The following USP25 variants were observed in gnomAD, a reference collection of about 807,000 sequenced individuals.
USP25 encodes ubiquitin specific peptidase 25.
Under a neutral mutation model 158.5 loss-of-function variants are expected in USP25, and 85 were observed. That is an observed-to-expected ratio of 0.54 (90% CI 0.45 to 0.64). The LOEUF is 0.64. USP25 is among the 30% of genes least tolerant of loss of function. The probability of loss-of-function intolerance (pLI) is 0.00; values close to 1 mark genes in which losing one functional copy is unlikely to be tolerated. For synonymous variants in USP25, 464 were observed against 460.4 expected, an observed-to-expected ratio of 1.01 and a Z score of -0.10; for missense variants, 1,242 against 1,327.3, an observed-to-expected ratio of 0.94 and a Z score of 1.00.
Position 15,843,683 on chromosome 21 carries a change from G to T in USP25, c.2337+1143G>T, listed in dbSNP as rs1328033530. ...TAAAGCTTTTCCTGGAAAATGCTTT[G>T]TTTAGTGGATCTGGGATGTCTGCTT... is the stretch of plus-strand genomic sequence containing the variant. On this transcript the variant is annotated intron_variant, in intron 18 of 25. Coordinates refer to ENST00000400183, the MANE Select transcript of USP25 (RefSeq NM_001283041.3). This position sits in a 1 kb window ranked among gnomAD's most constrained non-coding sequence, Gnocchi z 4.0. Among the ~76,000 whole-genome samples the T allele has an allele frequency of 6.6e-6, 1 of 152,096 alleles. No individual in the cohort carries two copies. The highest frequency in any genetic ancestry group is 1.5e-5 in the Non-Finnish European group (1 of 68,016).
rs114634315 is a variant in USP25, at chr21:15,772,747, G to T, written c.269-5157G>T. Among the ~76,000 whole-genome samples, 1,046 of 152,244 alleles carry T rather than the reference G, an allele frequency of 6.9e-3. 8 individuals are homozygous for T. The highest frequency in any genetic ancestry group is 0.024 in the African/African-American group (1,001 of 41,554). On this transcript the variant is annotated intron_variant, in intron 3 of 25. Coordinates refer to ENST00000400183, the MANE Select transcript of USP25 (RefSeq NM_001283041.3). ...CTAAGTCCAGAAAAAGAATAAATTG[G>T]GTTTAACCAGTCTGTTGAAATAACA...
rs2036301313 is a variant in USP25 at position 15,804,856 on chromosome 21, A to G, written c.643-265A>G. The stretch of plus-strand genomic sequence containing the variant: ...TGAGGAAGATATTCTTGGCTGAGTA[A>G]TGACATGATTTGCTGTGAATATGTG... On this transcript the variant is annotated intron_variant, in intron 6 of 25. Coordinates refer to ENST00000400183, the MANE Select transcript of USP25 (RefSeq NM_001283041.3). 1.3e-5 allele frequency among the ~76,000 whole-genome samples: 2 copies of G among 152,102 alleles called. 1 individual carries two copies. The highest frequency in any genetic ancestry group is 4.1e-4 in the South Asian group (2 of 4,830).
intron 5 of USP25, among the ~76,000 whole-genome samples, chr21:15,798,958 A>G (rs952506190): frequency 2.0e-5 from 3 of 151,404 alleles, no homozygotes; most frequent in Non-Finnish European, 4.4e-5. Flanking sequence ...AAACTTTATA[A>G]ACTGTGACCC....
chr21:15,753,318 A>G (rs1035226093), intron 1 of USP25, among the ~76,000 whole-genome samples: 1 of 152,212 alleles, frequency 6.6e-6, no homozygotes, highest in African/African-American at 2.4e-5. Flanking sequence ...GCTGGCTCCA[A>G]CTGACTAGGT....
At chr21:15,804,299 AC>A (rs935169010) in intron 6 of USP25, among the ~76,000 whole-genome samples, 1 of 151,636 alleles carries the variant, frequency 6.6e-6, no homozygotes, top group African/African-American at 2.4e-5. Flanking sequence ...TTATTGAGAA[AC>A]AAAAGTAAGA....
intron 18 of USP25, among the ~76,000 whole-genome samples, chr21:15,846,160 T>A (rs1184800092): frequency 3.0e-4 from 32 of 106,132 alleles, no homozygotes; most frequent in Non-Finnish European, 5.1e-4. Context: ...ATATATATAT[T>A]TTTTTTTTTT....
chr21:15,862,430 T>A (rs992451527), intron 20 of USP25, among the ~76,000 whole-genome samples: 1 of 152,090 alleles, frequency 6.6e-6, no homozygotes, highest in Non-Finnish European at 1.5e-5. Flanking sequence ...TATTTCAGAT[T>A]AGGGATACTC....
At position 15,875,213 on chromosome 21, in the gene USP25, TA is replaced by T. The variant is rs2040054592; in HGVS notation, c.3009+689del. 6.6e-6 allele frequency among the ~76,000 whole-genome samples: 1 copy of T among 152,156 alleles called. No individual in the cohort carries two copies. The highest frequency in any genetic ancestry group is 1.5e-5 in the Non-Finnish European group (1 of 68,028). ...AGAATATACATAGAATGTATTAGAGTAATTTGTTTAACTTAAAAAATTGAAT... is the reference window on the plus strand; with the variant it reads ...AGAATATACATAGAATGTATTAGAGTATTTGTTTAACTTAAAAAATTGAAT... On this transcript the variant is annotated intron_variant, in intron 24 of 25. Transcript: ENST00000400183. The surrounding 1 kb of genome is among the most constrained non-coding windows in gnomAD (Gnocchi z 4.7).
chr21:15,737,395 T>G (rs1370932315), intron 1 of USP25, among the ~76,000 whole-genome samples: 2 of 152,310 alleles, frequency 1.3e-5, no homozygotes, highest in Non-Finnish European at 2.9e-5. Flanking sequence ...TATTTTCATT[T>G]ATTTGTTAAA....
intron 4 of USP25, among the ~76,000 whole-genome samples, chr21:15,779,501 A>C (rs2034843473): frequency 6.6e-6 from 1 of 151,844 alleles, no homozygotes; most frequent in Non-Finnish European, 1.5e-5. Context: ...ATATGAATAT[A>C]AAATATATGT....
chr21:15,838,067 C>T (rs1452992509), intron 17 of USP25, among the ~76,000 whole-genome samples: 1 of 151,920 alleles, frequency 6.6e-6, no homozygotes, highest in Non-Finnish European at 1.5e-5. Flanking sequence ...GCTGAGACTA[C>T]AGGCATATAC....
At chr21:15,780,745 A>T (rs188398900) in intron 4 of USP25, among the ~76,000 whole-genome samples, 20 of 152,364 alleles carry the variant, frequency 1.3e-4, no homozygotes, top group Admixed American at 2.6e-4. Context: ...TTATTAAAAT[A>T]GGTCTGTATA....
At chr21:15,764,809 C>G (rs1199020546) in intron 2 of USP25, among the ~76,000 whole-genome samples, 2 of 152,034 alleles carry the variant, frequency 1.3e-5, no homozygotes, top group Non-Finnish European at 2.9e-5. Context: ...TGACAGATAG[C>G]ATTTTTGAAA....
At chr21:15,856,462 CTCTT>C (rs1036701379) in intron 20 of USP25, among the ~76,000 whole-genome samples, 3 of 151,354 alleles carry the variant, frequency 2.0e-5, no homozygotes, top group Admixed American at 6.6e-5. Flanking sequence ...TAGGAGTATA[CTCTT>C]TCTTTTTTTT....
At chr21:15,743,800 G>A (rs1005534127) in intron 1 of USP25, among the ~76,000 whole-genome samples, 5 of 151,790 alleles carry the variant, frequency 3.3e-5, no homozygotes, top group African/African-American at 9.7e-5. Context: ...CTACTGTGGC[G>A]CCTGCCTAGG....
chr21:15,862,287 A>T (rs560481764), intron 20 of USP25, among the ~76,000 whole-genome samples: 2 of 152,270 alleles, frequency 1.3e-5, no homozygotes, highest in South Asian at 4.1e-4. Context: ...GAGTGCCAAC[A>T]TGATACTCAA....
At position 15,876,000 on chromosome 21, in the gene USP25, G is replaced by A. The variant is rs751561257; in HGVS notation, c.3009+1474G>A. The A allele has an allele frequency of 2.0e-5, 3 of 152,316 alleles. No homozygotes were observed. The highest frequency in any genetic ancestry group is 4.1e-4 in the South Asian group (2 of 4,826). 9.4% of individuals were successfully genotyped at this position (152,316 alleles called of 1,614,324 possible). On this transcript the variant is annotated intron_variant, in intron 24 of 25. Transcript: ENST00000400183. This position sits in a 1 kb window ranked among gnomAD's most constrained non-coding sequence, Gnocchi z 4.7. ...GTGAGGACCTCAACTCATGTAGTAC[G>A]GTAGGTATGATGGTGAAGGAAATGA...
At position 15,833,907 on chromosome 21, in the gene USP25, C is replaced by T. The variant is rs188913768; in HGVS notation, c.2194+359C>T. On this transcript the variant is annotated intron_variant, in intron 17 of 25. Coordinates refer to ENST00000400183, the MANE Select transcript of USP25 (RefSeq NM_001283041.3). ...TATCAAGAGTATCAATTCAATAAAG[C>T]TATCAAGAGTATCAATTCAATAAAG... 3.5e-3 allele frequency among the ~76,000 whole-genome samples: 527 copies of T among 152,176 alleles called. 4 individuals are homozygous for T. Among genetic ancestry groups the T allele is most frequent in the African/African-American group, 0.012 (496 of 41,518 alleles).
chr21:15,732,426 A>G (rs2031010144), intron 1 of USP25, among the ~76,000 whole-genome samples: 9 of 152,244 alleles, frequency 5.9e-5, no homozygotes, highest in Admixed American at 5.9e-4. Context: ...CTACCTCGAT[A>G]AGTTGACAGA....
Sources: gnomAD v4.1 joint callset for allele counts (sites outside exome capture counted in the v4.1 genomes callset) on GRCh38, gnomAD v4.1.1 for gene constraint, Gnocchi (gnomAD v3.1) non-coding constraint, MANE v1.5 for transcripts, NCBI Gene and HGNC (gene_info 2026-07-23, HGNC 2026-07-21) for gene names.